TMEM101: variants seen among roughly 807,000 people sequenced by gnomAD.
The protein encoded by TMEM101 is transmembrane protein 101.
Under a neutral mutation model 26.0 loss-of-function variants are expected in TMEM101, and 14 were observed. That is an observed-to-expected ratio of 0.54 (90% CI 0.36 to 0.84). The LOEUF (loss-of-function observed/expected upper bound fraction) is 0.84. TMEM101 is among the 40% of genes least tolerant of loss of function. The probability of loss-of-function intolerance (pLI) is 0.01; values close to 1 mark genes in which losing one functional copy is unlikely to be tolerated. For missense variants in TMEM101, 292 were observed against 345.1 expected, an observed-to-expected ratio of 0.85 and a Z score of 1.22; for synonymous variants, 152 against 145.1, an observed-to-expected ratio of 1.05 and a Z score of -0.34.
chr17:44,013,061 C>T lies in TMEM101; in HGVS notation c.413G>A (p.Arg138His), dbSNP rs370757097. 1.5e-5 allele frequency: 24 copies of T among 1,608,882 alleles called. No individual in the cohort carries two copies. Among genetic ancestry groups the T allele is most frequent in the African/African-American group, 1.2e-4 (9 of 74,996 alleles). The part of the protein sequence containing the change: ...GELYRRKPRS[R>H]SLQSTGQVFL... ...CACCTGGCCGGTGGACTGCAGGGAG[C>T]GGCTGCGAGGTTTCCGGCGGTACAG... Residue 138 changes from arginine (R) to histidine (H), a missense_variant, in exon 3 of 4, where the codon CGC becomes CAC. By Grantham distance (29) the Arg-to-His change is conservative (BLOSUM62 0). This residue lies in a region of TMEM101 where 149 missense variants were observed against 211.9 expected (regional missense o/e 0.70). Transcript: ENST00000206380.
chr17:44,015,037 C>T (rs770175388), upstream of TMEM101: 21 of 1,490,070 alleles, frequency 1.4e-5, no homozygotes, highest in Non-Finnish European at 1.8e-5. Context: ...GGGTCAAGCG[C>T]TTTTTCTTTT....
upstream of TMEM101, among the ~76,000 whole-genome samples, chr17:44,017,400 G>A (rs2144026987): frequency 6.7e-6 from 1 of 149,848 alleles, no homozygotes; most frequent in African/African-American, 2.5e-5. Flanking sequence ...AGACCATCCT[G>A]ACTAACACAG....
intron 1 of TMEM101, among the ~76,000 whole-genome samples, chr17:44,022,143 A>C (rs1016606423): frequency 6.6e-6 from 1 of 152,226 alleles, no homozygotes; most frequent in African/African-American, 2.4e-5. Context: ...CAAACAAGCC[A>C]ATTTCTGGGC....
At chr17:44,014,296 G>A (rs962113637) in intron 2 of TMEM101, 61 bp downstream of exon 2, 80 of 1,514,390 alleles carry the variant, frequency 5.3e-5, no homozygotes, top group Non-Finnish European at 7.0e-5. Flanking sequence ...ACAGCCCTGG[G>A]CATTGGCCTC....
upstream of TMEM101, among the ~76,000 whole-genome samples, chr17:44,015,385 CT>C (rs11354004): frequency 0.71 from 106,355 of 150,408 alleles, 39,833 homozygotes; most frequent in East Asian, 0.93. Context: ...CTTTTTTTTT[CT>C]TTTTTTTTTG....
chr17:44,014,081 G>A (rs766807634), intron 2 of TMEM101, among the ~76,000 whole-genome samples: 2 of 152,180 alleles, frequency 1.3e-5, no homozygotes, highest in African/African-American at 2.4e-5. Flanking sequence ...CCAGGTGACC[G>A]GGGTTCTGGT....
rs1157391650 is a variant in TMEM101 at position 44,014,397 on chromosome 17, G to A, written c.278C>T (p.Ala93Val). Reference sequence around the variant, plus strand: ...GTAGTGGACGTAGCCCCCGATGTAGGCGGCGTAGGTGCTAATGGCCAATTG... The same window carrying A: ...GTAGTGGACGTAGCCCCCGATGTAGACGGCGTAGGTGCTAATGGCCAATTG... Reference protein sequence around the residue: ...ALQLAISTYAAYIGGYVHYGD... With the variant: ...ALQLAISTYAVYIGGYVHYGD... Residue 93 changes from alanine to valine, a missense_variant, in exon 2 of 4, where the codon GCC (alanine) becomes GTC (valine). Physicochemically the swap from Ala to Val is moderately conservative, Grantham distance 64. Coordinates refer to ENST00000206380, the MANE Select transcript of TMEM101 (RefSeq NM_032376.4). 6.4e-7 allele frequency: 1 copy of A among 1,554,826 alleles called. No homozygotes were observed. Among genetic ancestry groups the A allele is most frequent in the Non-Finnish European group, 8.7e-7 (1 of 1,148,730 alleles).
At chr17:44,014,232 GA>G in intron 2 of TMEM101, 124 bp downstream of exon 2, 1 of 1,188,216 alleles carries the variant, frequency 8.4e-7, no homozygotes, top group Admixed American at 2.8e-5. Context: ...CAAGGGGTTC[GA>G]ACCTCCCAGG....
intron 1 of TMEM101, 58 bp downstream of exon 1, chr17:44,014,758 A>G (rs751448137): frequency 2.0e-6 from 3 of 1,518,220 alleles, no homozygotes; most frequent in Admixed American, 2.2e-5. Context: ...CTAGCCCCCA[A>G]TTTCTTGCCC....
chr17:44,020,258 A>T (rs376809204), intron 2 of TMEM101, among the ~76,000 whole-genome samples: 1 of 152,196 alleles, frequency 6.6e-6, no homozygotes, highest in Non-Finnish European at 1.5e-5. Context: ...CCAAGCAGGT[A>T]TTGCCACCTG....
chr17:44,021,079 C>A (rs2049280209), intron 2 of TMEM101, among the ~76,000 whole-genome samples: 1 of 152,196 alleles, frequency 6.6e-6, no homozygotes, highest in South Asian at 2.1e-4. Context: ...GGGGCAGGAT[C>A]TGATGGACAC....
Position 44,020,184 on chromosome 17 carries a change from G to A in TMEM101, c.-210+1138C>T, listed in dbSNP as rs568579901. ...TGTTTGTAAGCATCTAGATTACTGGGGAGAGAAATATTATCCCAGATGGTG... is the reference window on the plus strand; with the variant it reads ...TGTTTGTAAGCATCTAGATTACTGGAGAGAGAAATATTATCCCAGATGGTG... On this transcript the variant is annotated intron_variant, in intron 2 of 4. Transcript: ENST00000585950. 2.6e-3 allele frequency among the ~76,000 whole-genome samples: 392 copies of A among 152,222 alleles called. 1 individual carries two copies. The highest frequency in any genetic ancestry group is 3.4e-3 in the Non-Finnish European group (230 of 68,022).
At chr17:44,015,774 G>A (rs1352836431), upstream of TMEM101, among the ~76,000 whole-genome samples, 2 of 152,108 alleles carry the variant, frequency 1.3e-5, no homozygotes, top group Non-Finnish European at 2.9e-5. Context: ...ACGCACCAGA[G>A]GAAACCCCCG....
At position 44,012,185 on chromosome 17, in the gene TMEM101, G is replaced by A; in HGVS notation, c.517C>T (p.Leu173Phe). Residue 173 changes from leucine to phenylalanine, a missense_variant, in exon 4 of 4, where the codon CTC (leucine) becomes TTC (phenylalanine). By Grantham distance (22) the Leu-to-Phe change is conservative (BLOSUM62 0). Transcript: ENST00000206380. ...KEDRLAYLNH[L>F]PGGELMIQLF... ...TGGATCATCAGCTCCCCTCCTGGGA[G>A]ATGGTTCAGATACGCCAGCCGGTCC... is the stretch of plus-strand genomic sequence containing the variant. 1.2e-6 allele frequency: 2 copies of A among 1,614,166 alleles called. No individual in the cohort carries two copies. The highest frequency in any genetic ancestry group is 1.7e-6 in the Non-Finnish European group (2 of 1,180,008).
At chr17:44,019,400 G>A (rs1423328531), upstream of TMEM101, 2 of 349,424 alleles carry the variant, frequency 5.7e-6, no homozygotes, top group Admixed American at 3.5e-5. Flanking sequence ...GACGAGGAGA[G>A]GTCTCATGAA....
upstream of TMEM101, chr17:44,015,253 G>C (rs527282211): frequency 7.9e-6 from 2 of 253,794 alleles, no homozygotes; most frequent in Non-Finnish European, 1.5e-5. Context: ...ACTGGTCTTT[G>C]AATGCAGCCC....
At position 44,014,530 on chromosome 17, in the gene TMEM101, C is replaced by T. The variant is rs757843755; in HGVS notation, c.145G>A (p.Asp49Asn). The T allele has an allele frequency of 2.0e-5, 32 of 1,568,500 alleles. No homozygotes were observed. The highest frequency in any genetic ancestry group is 2.7e-5 in the Non-Finnish European group (31 of 1,154,814). ...AERAEARRKP[D>N]IPVPYLYFDM... is the part of the protein sequence containing the mutation. ...AAATACAGGTAAGGCACTGGGATGT[C>T]GGGCTTCCTGCGAGCCGGGAGTGGG... The change falls in exon 2 of 4, where the codon GAC becomes AAC. Residue 49 changes from aspartate (D) to asparagine (N), a missense_variant. Physicochemically the swap from Asp to Asn is conservative, Grantham distance 23 (BLOSUM62 1). This residue lies in a region of TMEM101 where 143 missense variants were observed against 133.2 expected (regional missense o/e 1.07). Coordinates refer to ENST00000206380, the MANE Select transcript of TMEM101 (RefSeq NM_032376.4).
In TMEM101 at chr17:44,011,500, G is replaced by A; in HGVS notation, c.*428C>T. The A allele has an allele frequency of 5.1e-6, 1 of 196,120 alleles. No individual in the cohort carries two copies. Among genetic ancestry groups the A allele is most frequent in the Non-Finnish European group, 1.1e-5 (1 of 94,530 alleles). The allele number at this position is 196,120 out of a possible 1,614,324, so 12.1% of individuals were successfully genotyped here. A position where few individuals can be genotyped will look rare whatever the true frequency, so the allele number is the denominator to read the frequency against. ...GTCAACACACGCACTCCCTCTCACA[G>A]TCTCCAAACAGCACTGCAGAGCCTA... On this transcript the variant is annotated 3_prime_UTR_variant, in exon 4 of 4. Transcript: ENST00000206380.
At chr17:44,014,328 G>C (rs2049198343) in intron 2 of TMEM101, 29 bp downstream of exon 2, 4 of 1,539,938 alleles carry the variant, frequency 2.6e-6, no homozygotes, top group South Asian at 1.2e-5. Context: ...CACCCAGAGG[G>C]AAGACCCTTT....
Sources: allele counts gnomAD v4.1 joint callset (sites outside exome capture counted in the v4.1 genomes callset), GRCh38; gene constraint gnomAD v4.1.1; regional missense constraint gnomAD v4.1.1; transcripts MANE v1.5; gene names NCBI Gene and HGNC (gene_info 2026-07-23, HGNC 2026-07-21).